The following EPHX4 variants were observed in gnomAD, a reference collection of about 807,000 sequenced individuals.
EPHX4 encodes the protein abhydrolase domain containing 7.
EPHX4 carries 31 observed loss-of-function variants against 44.9 expected under a neutral mutation model. The observed-to-expected ratio is 0.69, with a 90% CI of 0.52 to 0.93. EPHX4 has a LOEUF of 0.93. EPHX4 is among the 40% of genes least tolerant of loss of function. The pLI is 0.00. For synonymous variants in EPHX4, 151 were observed against 159.7 expected, an observed-to-expected ratio of 0.95 and a Z score of 0.41; for missense variants, 373 against 438.1, an observed-to-expected ratio of 0.85 and a Z score of 1.33.
intron 6 of EPHX4, among the ~76,000 whole-genome samples, chr1:92,062,002 G>A (rs1401397253): frequency 6.6e-6 from 1 of 151,312 alleles, no homozygotes; most frequent in Admixed American, 6.6e-5. Context: ...GAAGCCAGGA[G>A]TTTGAGACCA....
At chr1:92,060,130 G>A (rs1647463648) in intron 6 of EPHX4, among the ~76,000 whole-genome samples, 1 of 152,008 alleles carries the variant, frequency 6.6e-6, no homozygotes, top group Non-Finnish European at 1.5e-5. Flanking sequence ...AGGTTATTGG[G>A]GCCAGGTACA....
intron 3 of EPHX4, chr1:92,043,916 A>G (rs1688548437): frequency 6.6e-6 from 1 of 152,252 alleles, no homozygotes; most frequent in Admixed American, 6.5e-5. Context: ...AGCAAGTCAT[A>G]TGGTGGAGCC....
At chr1:92,044,183 T>A (rs916939917) in intron 3 of EPHX4, among the ~76,000 whole-genome samples, 1 of 152,126 alleles carries the variant, frequency 6.6e-6, no homozygotes, top group Non-Finnish European at 1.5e-5. Context: ...AATGAGAGCA[T>A]GGATCAGGCC....
intron 2 of EPHX4, among the ~76,000 whole-genome samples, chr1:92,038,858 T>C (rs1688475198): frequency 6.6e-6 from 1 of 152,232 alleles, no homozygotes; most frequent in African/African-American, 2.4e-5. Context: ...CAGTATAACA[T>C]GGACTCTGGG....
intron 2 of EPHX4, 42 bp from the exon 3 acceptor site, chr1:92,042,781 C>A: frequency 5.9e-6 from 8 of 1,362,126 alleles, no homozygotes; most frequent in Non-Finnish European, 8.1e-6. Flanking sequence ...ACTGTTTGTA[C>A]TAGCTAATAT....
intron 2 of EPHX4, among the ~76,000 whole-genome samples, chr1:92,040,570 C>G (rs1688496288): frequency 6.6e-6 from 1 of 152,102 alleles, no homozygotes; most frequent in Non-Finnish European, 1.5e-5. Context: ...GGTGATCCAC[C>G]TGCCTCGGCC....
At chr1:92,053,284 G>A (rs1029982025) in intron 6 of EPHX4, among the ~76,000 whole-genome samples, 4 of 152,144 alleles carry the variant, frequency 2.6e-5, no homozygotes, top group African/African-American at 9.7e-5. Context: ...AGCCCTGTGG[G>A]AAGATGGAGG....
intron 3 of EPHX4, 65 bp from the exon 4 acceptor site, chr1:92,045,467 T>C: frequency 6.4e-7 from 1 of 1,570,620 alleles, no homozygotes; most frequent in South Asian, 1.1e-5. Context: ...AACTATTTTA[T>C]GTGAGGTAAC....
At chr1:92,041,130 C>T (rs1278469640) in intron 2 of EPHX4, among the ~76,000 whole-genome samples, 2 of 151,944 alleles carry the variant, frequency 1.3e-5, no homozygotes, top group Non-Finnish European at 2.9e-5. Context: ...ATTAATTCTG[C>T]AGTTCCATGA....
chr1:92,050,056 G>A (rs565650166), intron 4 of EPHX4, among the ~76,000 whole-genome samples: 3 of 151,934 alleles, frequency 2.0e-5, no homozygotes, highest in African/African-American at 4.8e-5. Flanking sequence ...CTGAGATCGC[G>A]CCATTGCACT....
intron 2 of EPHX4, among the ~76,000 whole-genome samples, chr1:92,039,357 A>G (rs1440266632): frequency 6.6e-6 from 1 of 152,228 alleles, no homozygotes; most frequent in African/African-American, 2.4e-5. Context: ...GCCTGAATTA[A>G]GGTAATGATA....
At position 92,037,850 on chromosome 1, in the gene EPHX4, A is replaced by T. The variant is rs186669906; in HGVS notation, c.318-4973A>T. Among the ~76,000 whole-genome samples the T allele has an allele frequency of 2.0e-5, 3 of 152,324 alleles. No individual in the cohort carries two copies. In the East Asian group the frequency reaches 5.8e-4, roughly 29 times the overall value. Reference sequence around the variant, plus strand: ...GATGAAAATAGTTTTGCTTATTTATAATCTTTTTAGGGTTACTGCTTTTGT... The same window carrying T: ...GATGAAAATAGTTTTGCTTATTTATTATCTTTTTAGGGTTACTGCTTTTGT... On this transcript the variant is annotated intron_variant, in intron 2 of 6. Coordinates refer to ENST00000370383, the MANE Select transcript of EPHX4 (RefSeq NM_173567.5).
chr1:92,056,355 G>C (rs1002024672), intron 6 of EPHX4, among the ~76,000 whole-genome samples: 1 of 152,096 alleles, frequency 6.6e-6, no homozygotes, highest in Non-Finnish European at 1.5e-5. Context: ...TGAGGAACCA[G>C]GATGAACTAG....
intron 2 of EPHX4, among the ~76,000 whole-genome samples, chr1:92,040,519 T>G (rs1688495479): frequency 6.6e-6 from 1 of 152,034 alleles, no homozygotes; most frequent in Admixed American, 6.6e-5. Flanking sequence ...GAAACGGGGT[T>G]TCTCCATATT....
At chr1:92,044,820 A>G (rs553317911) in intron 3 of EPHX4, among the ~76,000 whole-genome samples, 2 of 152,318 alleles carry the variant, frequency 1.3e-5, no homozygotes, top group East Asian at 3.9e-4. Context: ...GAGCATTCAA[A>G]AAAAAACCAA....
intron 1 of EPHX4, 29 bp downstream of exon 1, chr1:92,030,339 C>G (rs1056028060): frequency 6.8e-7 from 1 of 1,467,344 alleles, no homozygotes; most frequent in Admixed American, 2.4e-5. Context: ...CTGGCGGGAG[C>G]GGGAGGGAGC....
chr1:92,041,372 T>TA (rs1048547329), intron 2 of EPHX4, among the ~76,000 whole-genome samples: 1 of 152,246 alleles, frequency 6.6e-6, no homozygotes, highest in Non-Finnish European at 1.5e-5. Context: ...TAATCTTTTT[T>TA]AAAAAACCTT....
Position 92,054,306 on chromosome 1 carries a change from A to T in EPHX4, c.857+1648A>T, listed in dbSNP as rs546551517. On this transcript the variant is annotated intron_variant, in intron 6 of 6. Transcript: ENST00000370383. ...AAAGATGAGTTCATAATCCAAATTT[A>T]AAAATATCAACCTGGGCCATGCCTA... is the stretch of plus-strand genomic sequence containing the variant. Among the ~76,000 whole-genome samples the T allele has an allele frequency of 3.9e-5, 6 of 152,292 alleles. No individual in the cohort carries two copies. In the South Asian group the frequency reaches 8.3e-4, roughly 21 times the overall value.
intron 1 of EPHX4, among the ~76,000 whole-genome samples, chr1:92,031,972 A>G (rs1340045933): frequency 6.6e-6 from 1 of 152,204 alleles, no homozygotes; most frequent in Non-Finnish European, 1.5e-5. Context: ...AGACCTAAAA[A>G]TAAGAGAAGG....
Sources: gnomAD v4.1 joint callset for allele counts (sites outside exome capture counted in the v4.1 genomes callset) on GRCh38, gnomAD v4.1.1 for gene constraint, MANE v1.5 for transcripts, NCBI Gene and HGNC (gene_info 2026-07-23, HGNC 2026-07-21) for gene names.